Variants in TMEM232 observed in about 807,000 individuals in gnomAD.
TMEM232 encodes transmembrane protein 232.
A neutral mutation model predicts 78.8 loss-of-function variants in TMEM232; 80 were observed. The ratio of observed to expected loss-of-function variants is 1.01; its 90% confidence interval spans 0.85 to 1.22. TMEM232 has a LOEUF of 1.22. Among genes scored for constraint, TMEM232 ranks in the 50% most tolerant of loss-of-function variants. TMEM232 has a pLI of 0.00. For missense variants in TMEM232, 881 were observed against 742.2 expected (o/e 1.19, Z -2.17); for synonymous variants, 297 against 254.3 (o/e 1.17, Z -1.60).
intron 11 of TMEM232, among the ~76,000 whole-genome samples, chr5:110,555,583 T>C (rs968337010): frequency 1.3e-5 from 2 of 152,100 alleles, no homozygotes; most frequent in Admixed American, 1.3e-4. Context: ...TGATGATCTC[T>C]CTGTCAGTGG....
intron 11 of TMEM232, among the ~76,000 whole-genome samples, chr5:110,553,581 T>C (rs1304089968): frequency 1.3e-5 from 2 of 152,216 alleles, no homozygotes; most frequent in Non-Finnish European, 2.9e-5. Context: ...TTTTGTATCC[T>C]GAAACTTTGC....
At chr5:110,602,261 G>A (rs60200664) in intron 10 of TMEM232, among the ~76,000 whole-genome samples, 2,819 of 151,878 alleles carry the variant, frequency 0.019, 104 homozygotes, top group African/African-American at 0.065. Flanking sequence ...CTAAAACACC[G>A]AAAGCAATGG....
chr5:110,652,179 T>C (rs1788404668), intron 2 of TMEM232, among the ~76,000 whole-genome samples: 1 of 152,176 alleles, frequency 6.6e-6, no homozygotes, highest in Non-Finnish European at 1.5e-5. Flanking sequence ...GAATGATTTA[T>C]AGTATAATAA....
Position 110,483,979 on chromosome 5 carries a change from A to C in TMEM232, c.1703+44609T>G, listed in dbSNP as rs142874535. Among the ~76,000 whole-genome samples, 13 of 152,330 alleles carry C rather than the reference A, an allele frequency of 8.5e-5. No homozygotes were observed. In the East Asian group the frequency reaches 2.5e-3, roughly 29 times the overall value. ...ATACAGTATGGAATACTATGCAACT[A>C]TAATAAGGAACAAAATCATGTCCTC... On this transcript the variant is annotated intron_variant, in intron 12 of 13. Transcript: ENST00000455884.
In TMEM232 at chr5:110,447,385, G is replaced by A. The variant is rs1759782271; in HGVS notation, c.1704-22469C>T. On this transcript the variant is annotated intron_variant, in intron 12 of 13. Transcript: ENST00000455884. Reference sequence around the variant, plus strand: ...ACTGTGGTTATCACTGTGCCACCTAGCTGCACATCTAAGTAGGGGCTTCGA... The same window carrying A: ...ACTGTGGTTATCACTGTGCCACCTAACTGCACATCTAAGTAGGGGCTTCGA... Among the ~76,000 whole-genome samples the A allele has an allele frequency of 2.0e-5, 3 of 151,992 alleles. No homozygotes were observed. The South Asian group carries it at 6.2e-4, about 31-fold the overall frequency.
In TMEM232 at chr5:110,642,301, C is replaced by T. The variant is rs1786848688; in HGVS notation, c.196G>A (p.Glu66Lys). The change falls in exon 3 of 14, where the codon GAA (glutamate) becomes AAA (lysine). Residue 66 changes from glutamate to lysine, a missense_variant. Transcript: ENST00000455884. ...NQTQNSKEKEELLELARKIIL... is the reference protein window; with the variant it reads ...NQTQNSKEKEKLLELARKIIL... ...ATTTTTCTAGCTAGTTCCAACAATTCTTCCTTCTCTTTGGAATTTTGTGTT... is the reference window on the plus strand; with the variant it reads ...ATTTTTCTAGCTAGTTCCAACAATTTTTCCTTCTCTTTGGAATTTTGTGTT... The T allele has an allele frequency of 2.6e-6, 4 of 1,538,990 alleles. 1 individual carries two copies. The highest frequency in any genetic ancestry group is 3.5e-6 in the Non-Finnish European group (4 of 1,142,576).
chr5:110,463,651 C>T (rs1040481246), intron 12 of TMEM232, among the ~76,000 whole-genome samples: 2 of 152,262 alleles, frequency 1.3e-5, no homozygotes, highest in South Asian at 4.1e-4. Flanking sequence ...TGGTACAATT[C>T]TCTCTATTGC....
At chr5:110,526,540 C>G (rs1341140321) in intron 12 of TMEM232, among the ~76,000 whole-genome samples, 4 of 151,840 alleles carry the variant, frequency 2.6e-5, no homozygotes, top group Non-Finnish European at 5.9e-5. Context: ...TGTTAAAACC[C>G]AAATGTTGTC....
At chr5:110,629,636 C>T (rs1283867366) in intron 5 of TMEM232, among the ~76,000 whole-genome samples, 2 of 152,096 alleles carry the variant, frequency 1.3e-5, no homozygotes, top group Non-Finnish European at 2.9e-5. Flanking sequence ...TTCTCTCTTT[C>T]TATTTCCATC....
upstream of TMEM232, among the ~76,000 whole-genome samples, chr5:110,730,710 C>T (rs778643591): frequency 3.3e-5 from 5 of 152,136 alleles, no homozygotes; most frequent in Non-Finnish European, 5.9e-5. Context: ...GAGAATAGCA[C>T]AGGAAAGACT....
chr5:110,524,359 GAAA>G (rs763743820), intron 12 of TMEM232, among the ~76,000 whole-genome samples: 2 of 90,082 alleles, frequency 2.2e-5, no homozygotes, highest in African/African-American at 8.7e-5. Flanking sequence ...AAGAAAGAAA[GAAA>G]AAAAGAAAGA....
chr5:110,436,893 C>T (rs1580675879), intron 12 of TMEM232, among the ~76,000 whole-genome samples: 4 of 151,880 alleles, frequency 2.6e-5, no homozygotes, highest in South Asian at 4.2e-4. Context: ...TGTTATTCCT[C>T]GAGTTTTGTT....
chr5:110,657,933 T>C (rs1789306923), intron 2 of TMEM232, among the ~76,000 whole-genome samples: 1 of 152,112 alleles, frequency 6.6e-6, no homozygotes, highest in Non-Finnish European at 1.5e-5. Flanking sequence ...AAAATGAAAT[T>C]GAGATAGAAA....
chr5:110,538,999 T>C (rs935003488), intron 11 of TMEM232, among the ~76,000 whole-genome samples: 6 of 152,158 alleles, frequency 3.9e-5, no homozygotes, highest in Admixed American at 2.0e-4. Flanking sequence ...TACCAAACTC[T>C]CCAATCCCCC....
intron 2 of TMEM232, among the ~76,000 whole-genome samples, chr5:110,645,111 C>A: frequency 6.6e-6 from 1 of 151,346 alleles, no homozygotes; most frequent in Non-Finnish European, 1.5e-5. Flanking sequence ...AAGAAAAGCC[C>A]AGGACCAGGT....
chr5:110,592,822 T>A (rs979407802), intron 10 of TMEM232, among the ~76,000 whole-genome samples: 6 of 152,216 alleles, frequency 3.9e-5, no homozygotes, highest in African/African-American at 1.2e-4. Flanking sequence ...GCTGATAGCA[T>A]GTGACCTGTA....
intron 2 of TMEM232, among the ~76,000 whole-genome samples, chr5:110,400,062 C>T (rs886629346): frequency 1.9e-4 from 29 of 152,220 alleles, no homozygotes; most frequent in African/African-American, 5.8e-4. Context: ...TCTCATGACA[C>T]GGCCTATGGC....
At chr5:110,631,143 C>T (rs1219929911) in intron 5 of TMEM232, among the ~76,000 whole-genome samples, 1 of 152,148 alleles carries the variant, frequency 6.6e-6, no homozygotes, top group Non-Finnish European at 1.5e-5. Flanking sequence ...CACAGCATTG[C>T]TGGACACAAA....
At chr5:110,738,886 CTT>C, upstream of TMEM232, 1 of 1,083,642 alleles carries the variant, frequency 9.2e-7, no homozygotes, top group Non-Finnish European at 1.3e-6. Context: ...CGACAACAAA[CTT>C]TTAAGGTCCA....
Sources: allele counts gnomAD v4.1 joint callset (sites outside exome capture counted in the v4.1 genomes callset), GRCh38; gene constraint gnomAD v4.1.1; transcripts MANE v1.5; gene names NCBI Gene and HGNC (gene_info 2026-07-23, HGNC 2026-07-21).